EPHA5: variants seen among roughly 807,000 people sequenced by gnomAD.
EPHA5 encodes ephrin type-A receptor 5.
Under a neutral mutation model 105.0 loss-of-function variants are expected in EPHA5, and 60 were observed. The ratio of observed to expected loss-of-function variants is 0.57; its 90% CI spans 0.46 to 0.71. The LOEUF (loss-of-function observed/expected upper bound fraction) is 0.71. EPHA5 is among the 30% of genes least tolerant of loss of function. The pLI, the probability that EPHA5 is intolerant of heterozygous loss-of-function variation, is 0.00. For missense variants in EPHA5, 1,218 were observed against 1,274.7 expected (o/e 0.96, Z 0.68); for synonymous variants, 513 against 449.1 (o/e 1.14, Z -1.80).
intron 8 of EPHA5, among the ~76,000 whole-genome samples, chr4:65,376,122 T>A (rs973382371): frequency 2.0e-5 from 3 of 151,954 alleles, no homozygotes; most frequent in Non-Finnish European, 4.4e-5. Context: ...GCAACAAAAA[T>A]TACTTTACAC....
chr4:65,616,587 A>C (rs542425247), intron 2 of EPHA5, among the ~76,000 whole-genome samples: 1 of 151,998 alleles, frequency 6.6e-6, no homozygotes, highest in Non-Finnish European at 1.5e-5. Context: ...ACCTGACTTC[A>C]AAGCTCATAT....
rs1721118731 is a variant in EPHA5, at chr4:65,335,849, A to G, written c.2789+83T>C. Reference sequence around the variant, plus strand: ...AGATTCACAGATTAATGTCTATACGAGAATGATTTAATTGATAAAATATTT... The same window carrying G: ...AGATTCACAGATTAATGTCTATACGGGAATGATTTAATTGATAAAATATTT... On this transcript the variant is annotated intron_variant, in intron 15 of 16. Transcript: ENST00000613740. 3 of 1,390,528 alleles carry G rather than the reference A, an allele frequency of 2.2e-6. No homozygotes were observed. In the East Asian group the frequency reaches 7.0e-5, roughly 33 times the overall value. 86.1% of individuals were successfully genotyped at this position (1,390,528 alleles called of 1,614,324 possible).
rs140465613 is a variant in EPHA5 at position 65,547,947 on chromosome 4, T to C, written c.911-52404A>G. On this transcript the variant is annotated intron_variant, in intron 3 of 16. Coordinates refer to ENST00000613740, the MANE Select transcript of EPHA5 (RefSeq NM_001281766.3). Reference sequence around the variant, plus strand: ...GACTGAGATGATCCAAGACTACTAGTACTATAGGTCCTGAATCAAAAGAAA... The same window carrying C: ...GACTGAGATGATCCAAGACTACTAGCACTATAGGTCCTGAATCAAAAGAAA... Among the ~76,000 whole-genome samples the C allele has an allele frequency of 1.7e-3, 255 of 152,120 alleles. 3 individuals carry two copies. The East Asian group carries it at 0.045, about 27-fold the overall frequency.
At chr4:65,586,643 T>C (rs917180065) in intron 3 of EPHA5, among the ~76,000 whole-genome samples, 2 of 151,984 alleles carry the variant, frequency 1.3e-5, no homozygotes, top group South Asian at 2.1e-4. Flanking sequence ...GAAATCCCAA[T>C]GTGTTTTTTT....
At chr4:65,656,856 T>G (rs1162372882) in intron 1 of EPHA5, among the ~76,000 whole-genome samples, 1 of 151,206 alleles carries the variant, frequency 6.6e-6, no homozygotes, top group Non-Finnish European at 1.5e-5. Flanking sequence ...GAAAATTTAA[T>G]TCAAAGAACT....
At chr4:65,364,249 A>T (rs1717633317) in intron 11 of EPHA5, among the ~76,000 whole-genome samples, 1 of 151,626 alleles carries the variant, frequency 6.6e-6, no homozygotes. Flanking sequence ...TCGGTAACTT[A>T]TGTGTGTGGT....
intron 3 of EPHA5, among the ~76,000 whole-genome samples, chr4:65,542,369 C>A (rs1736927820): frequency 6.6e-6 from 1 of 151,728 alleles, no homozygotes; most frequent in Non-Finnish European, 1.5e-5. Context: ...CAAATAGACA[C>A]AATAAAAAAT....
intron 2 of EPHA5, among the ~76,000 whole-genome samples, chr4:65,638,357 T>C (rs1487968611): frequency 2.0e-5 from 3 of 152,140 alleles, no homozygotes; most frequent in Admixed American, 6.6e-5. Flanking sequence ...AGAAACTATA[T>C]GTAAATAATA....
chr4:65,411,769 G>T (rs954959375), intron 7 of EPHA5, among the ~76,000 whole-genome samples: 1 of 152,118 alleles, frequency 6.6e-6, no homozygotes, highest in Non-Finnish European at 1.5e-5. Context: ...CTGGAAAAAA[G>T]TATTAATTTA....
intron 1 of EPHA5, among the ~76,000 whole-genome samples, chr4:65,662,237 T>C (rs7655988): frequency 0.63 from 95,974 of 151,928 alleles, 30,500 homozygotes; most frequent in East Asian, 0.78. Context: ...CTGTATTTTC[T>C]CTAAATCTTC....
At chr4:65,645,867 C>A (rs759671958) in intron 1 of EPHA5, among the ~76,000 whole-genome samples, 2 of 151,890 alleles carry the variant, frequency 1.3e-5, no homozygotes, top group Non-Finnish European at 2.9e-5. Flanking sequence ...AAATTGTGGT[C>A]CTTCTGGAAA....
chr4:65,493,707 T>C (rs1400456294), intron 4 of EPHA5, among the ~76,000 whole-genome samples: 2 of 152,102 alleles, frequency 1.3e-5, no homozygotes, highest in African/African-American at 4.8e-5. Flanking sequence ...AGCCTGACTG[T>C]GGGCTTTGGT....
rs186415975 is a variant in EPHA5 at position 65,592,290 on chromosome 4, G to A, written c.910+9351C>T. Among the ~76,000 whole-genome samples the A allele has an allele frequency of 1.7e-4, 26 of 152,170 alleles. 1 individual carries two copies. In the East Asian group the frequency reaches 4.5e-3, roughly 26 times the overall value. Reference sequence around the variant, plus strand: ...TCAATCCACACAGGGCAGAAACAAAGGGAAAGCCAAAGCCTGGAGTGGTGA... The same window carrying A: ...TCAATCCACACAGGGCAGAAACAAAAGGAAAGCCAAAGCCTGGAGTGGTGA... On this transcript the variant is annotated intron_variant, in intron 3 of 16. Transcript: ENST00000613740.
rs78383266 is a variant in EPHA5 at position 65,384,502 on chromosome 4, C to T, written c.1794-17078G>A. ...AAAGGAAGCCAAATCACCTAGGATG[C>T]TCTGATTTTAGGTAGCCCATTTCCA... On this transcript the variant is annotated intron_variant, in intron 8 of 16. Coordinates refer to ENST00000613740, the MANE Select transcript of EPHA5 (RefSeq NM_001281766.3). Among the ~76,000 whole-genome samples the T allele has an allele frequency of 4.7e-3, 709 of 151,960 alleles. 27 individuals are homozygous for T. In the East Asian group the frequency reaches 0.059, roughly 13 times the overall value.
At chr4:65,355,531 T>G (rs1450350554) in intron 11 of EPHA5, among the ~76,000 whole-genome samples, 2 of 151,646 alleles carry the variant, frequency 1.3e-5, no homozygotes, top group Admixed American at 6.6e-5. Flanking sequence ...CTCACATCTC[T>G]GAGCCCATTT....
At chr4:65,435,477 C>G (rs1725390716) in intron 5 of EPHA5, among the ~76,000 whole-genome samples, 1 of 152,038 alleles carries the variant, frequency 6.6e-6, no homozygotes, top group Non-Finnish European at 1.5e-5. Context: ...AGCTTTGATA[C>G]TGATTCTCAT....
chr4:65,339,359 C>T (rs1173795638), intron 14 of EPHA5, among the ~76,000 whole-genome samples: 1 of 152,022 alleles, frequency 6.6e-6, no homozygotes, highest in African/African-American at 2.4e-5. Flanking sequence ...TATCACCCAT[C>T]CAGAGTATGC....
intron 3 of EPHA5, among the ~76,000 whole-genome samples, chr4:65,597,630 T>C (rs1422270683): frequency 6.6e-6 from 1 of 152,102 alleles, no homozygotes; most frequent in Non-Finnish European, 1.5e-5. Context: ...CTTAAATCAG[T>C]TTATTATAGA....
chr4:65,609,882 G>A (rs1428823462), intron 2 of EPHA5, among the ~76,000 whole-genome samples: 2 of 151,448 alleles, frequency 1.3e-5, no homozygotes, highest in Non-Finnish European at 2.9e-5. Context: ...AACCCAAAAA[G>A]CATATATATA....
Sources: allele counts gnomAD v4.1 joint callset (sites outside exome capture counted in the v4.1 genomes callset), GRCh38; gene constraint gnomAD v4.1.1; transcripts MANE v1.5; gene names NCBI Gene and HGNC (gene_info 2026-07-23, HGNC 2026-07-21).